WTIP: variants seen among roughly 807,000 people sequenced by gnomAD.
WTIP encodes Wilms tumor protein 1-interacting protein.
WTIP carries 23 observed loss-of-function variants against 41.7 expected under a neutral mutation model. That is an observed-to-expected ratio of 0.55 (90% CI 0.40 to 0.78). The LOEUF (loss-of-function observed/expected upper bound fraction) is 0.78. WTIP is among the 30% of genes least tolerant of loss of function. The pLI is 0.00. For missense variants in WTIP, 619 were observed against 610.5 expected (o/e 1.01, Z -0.15); for synonymous variants, 314 against 269.9 (o/e 1.16, Z -1.60).
At chr19:34,496,475 A>G (rs2910415) in intron 7 of WTIP, among the ~76,000 whole-genome samples, 14,029 of 151,986 alleles carry the variant, frequency 0.092, 932 homozygotes, top group African/African-American at 0.17. Flanking sequence ...AGCCTCACCT[A>G]TTTTATGGCG....
chr19:34,501,450 T>A lies in WTIP; in HGVS notation c.*1181T>A, dbSNP rs953559194. The A allele has an allele frequency of 2.0e-5, 3 of 152,096 alleles. No homozygotes were observed. The highest frequency in any genetic ancestry group is 7.3e-5 in the African/African-American group (3 of 41,362). 9.4% of individuals were successfully genotyped at this position (152,096 alleles called of 1,614,324 possible). On this transcript the variant is annotated 3_prime_UTR_variant, in exon 8 of 8. Coordinates refer to ENST00000590071, the MANE Select transcript of WTIP (RefSeq NM_001080436.2). ...GGGACACACTGACGGGAATGTGGGGTCTGGACATGGGAGGCCCTGGTCCTG... is the reference window on the plus strand; with the variant it reads ...GGGACACACTGACGGGAATGTGGGGACTGGACATGGGAGGCCCTGGTCCTG...
chr19:34,491,059 C>G lies in WTIP; in HGVS notation c.769+582C>G, dbSNP rs550062326. On this transcript the variant is annotated intron_variant, in intron 2 of 7. Coordinates refer to ENST00000590071, the MANE Select transcript of WTIP (RefSeq NM_001080436.2). The stretch of plus-strand genomic sequence containing the variant: ...GCCAGGCTGGTCTCAAACTCTTGAG[C>G]TCAAGTGATCCGCCTGCCTCGGCCT... Among the ~76,000 whole-genome samples, 74 of 151,736 alleles carry G rather than the reference C, an allele frequency of 4.9e-4. 1 individual carries two copies. Among genetic ancestry groups the G allele is most frequent in the South Asian group, 2.9e-3 (14 of 4,798 alleles).
rs1387312246 is a variant in WTIP, at chr19:34,508,013, A to C, written c.*7744A>C. The C allele has an allele frequency of 6.6e-6, 1 of 152,092 alleles. No homozygotes were observed. The highest frequency in any genetic ancestry group is 1.5e-5 in the Non-Finnish European group (1 of 68,054). The allele number at this position is 152,092 out of a possible 1,614,324, so 9.4% of individuals were successfully genotyped here. Reference sequence around the variant, plus strand: ...AGTCACAGCATCTTCCTCCTGCTCCATGTGGTTGAAATCTCAGGTCCTCTA... The same window carrying C: ...AGTCACAGCATCTTCCTCCTGCTCCCTGTGGTTGAAATCTCAGGTCCTCTA... On this transcript the variant is annotated 3_prime_UTR_variant, in exon 8 of 8. Transcript: ENST00000590071.
In WTIP at chr19:34,482,220, C is replaced by A; in HGVS notation, c.246C>A (p.Ser82Arg). The change falls in exon 1 of 8, where the codon AGC becomes AGA. Residue 82 changes from serine to arginine, a missense_variant. By Grantham distance (110) the Ser-to-Arg change is moderately radical. Coordinates refer to ENST00000590071, the MANE Select transcript of WTIP (RefSeq NM_001080436.2). ...GGCGCGCGGCGGTTCCGGAGCTCAG[C>A]GCGCAGCCTGCGGGCAGCCCACGGG... ...GPRRAAVPEL[S>R]AQPAGSPRAS... The A allele has an allele frequency of 8.7e-7, 1 of 1,155,828 alleles. No individual in the cohort carries two copies. Among genetic ancestry groups the A allele is most frequent in the Non-Finnish European group, 1.1e-6 (1 of 943,488 alleles). The allele number at this position is 1,155,828 out of a possible 1,614,324, so 71.6% of individuals were successfully genotyped here.
intron 7 of WTIP, among the ~76,000 whole-genome samples, chr19:34,499,664 G>A (rs1476689921): frequency 6.6e-6 from 1 of 151,446 alleles, no homozygotes; most frequent in Non-Finnish European, 1.5e-5. Context: ...AGTGCTCCAC[G>A]CCGGGCTTCC....
Position 34,494,603 on chromosome 19 carries a change from G to A in WTIP, c.1049G>A (p.Cys350Tyr). The change falls in exon 6 of 8, where the codon TGC becomes TAC. Residue 350 changes from cysteine to tyrosine, a missense_variant. This residue lies in a region of WTIP where 164 missense variants were observed against 219.1 expected (regional missense o/e 0.75). Transcript: ENST00000590071. Reference sequence around the variant, plus strand: ...TTCTCTAGGGTTTTTGCACCAAAATGCGCCTCCTGTGCCCGTCCTATCCTC... The same window carrying A: ...TTCTCTAGGGTTTTTGCACCAAAATACGCCTCCTGTGCCCGTCCTATCCTC... Reference protein sequence around the residue: ...RDYHTVFAPKCASCARPILPA... With the variant: ...RDYHTVFAPKYASCARPILPA... 6.2e-7 allele frequency: 1 copy of A among 1,613,642 alleles called. No homozygotes were observed. Among genetic ancestry groups the A allele is most frequent in the African/African-American group, 1.3e-5 (1 of 75,010 alleles).
At chr19:34,497,244 C>T (rs895427521) in intron 7 of WTIP, among the ~76,000 whole-genome samples, 3 of 152,178 alleles carry the variant, frequency 2.0e-5, no homozygotes, top group Non-Finnish European at 1.5e-5. Flanking sequence ...ACGGGGCTCC[C>T]CTGGGCAGCT....
intron 1 of WTIP, among the ~76,000 whole-genome samples, chr19:34,487,256 C>T (rs1447744941): frequency 6.6e-6 from 1 of 151,936 alleles, no homozygotes; most frequent in Non-Finnish European, 1.5e-5. Flanking sequence ...TGTCCACCAC[C>T]ACGCCCGGCT....
At chr19:34,490,990 A>AT (rs771220375) in intron 2 of WTIP, among the ~76,000 whole-genome samples, 226 of 140,146 alleles carry the variant, frequency 1.6e-3, no homozygotes, top group Middle Eastern at 3.8e-3. Context: ...CGCTCGGCTA[A>AT]TTTTTTTTTT....
Position 34,500,253 on chromosome 19 carries a change from A to G in WTIP, c.1277A>G (p.His426Arg), listed in dbSNP as rs1405320008. The G allele has an allele frequency of 3.1e-6, 5 of 1,608,052 alleles. No homozygotes were observed. The highest frequency in any genetic ancestry group is 1.3e-5 in the African/African-American group (1 of 74,914). ...GGGCCTCTTCCCTCACCCACTGTGCACGTCACTGAGCTCTGAGCAGGGGAA... is the reference window on the plus strand; with the variant it reads ...GGGCCTCTTCCCTCACCCACTGTGCGCGTCACTGAGCTCTGAGCAGGGGAA... Reference protein sequence around the residue: ...QPGPLPSPTVHVTEL With the variant: ...QPGPLPSPTVRVTEL Residue 426 changes from histidine (H) to arginine (R), a missense_variant, in exon 8 of 8, where the codon CAC (histidine) becomes CGC (arginine). Transcript: ENST00000590071.
At chr19:34,492,307 G>T (rs1385412240) in intron 2 of WTIP, among the ~76,000 whole-genome samples, 1 of 149,116 alleles carries the variant, frequency 6.7e-6, no homozygotes, top group African/African-American at 2.5e-5. Context: ...TAGAGACAGG[G>T]TCTTGCTATG....
chr19:34,482,417 G>A lies in WTIP; in HGVS notation c.443G>A (p.Gly148Asp). The change falls in exon 1 of 8, where the codon GGC (glycine) becomes GAC (aspartate). Residue 148 changes from glycine to aspartate, a missense_variant. Physicochemically the swap from Gly to Asp is moderately conservative, Grantham distance 94. Around this residue, in one of 3 missense-constraint regions of WTIP, gnomAD observed 363 missense variants for 309.0 expected, o/e 1.17. Transcript: ENST00000590071. ...GCCCGCTCCAGCGTTTCCAGCCTCG[G>A]CTCCCGGGGCTCGGCCGGCGCCTAC... ...GSARSSVSSL[G>D]SRGSAGAYAD... The A allele has an allele frequency of 3.0e-6, 4 of 1,353,768 alleles. No individual in the cohort carries two copies. The highest frequency in any genetic ancestry group is 3.8e-6 in the Non-Finnish European group (4 of 1,051,468). The allele number at this position is 1,353,768 out of a possible 1,614,324, so 83.9% of individuals were successfully genotyped here.
rs116281811 is a variant in WTIP at position 34,506,129 on chromosome 19, C to G, written c.*5860C>G. The G allele has an allele frequency of 3.9e-5, 6 of 152,154 alleles. No individual in the cohort carries two copies. Among genetic ancestry groups the G allele is most frequent in the African/African-American group, 1.4e-4 (6 of 41,414 alleles). 9.4% of individuals were successfully genotyped at this position (152,154 alleles called of 1,614,324 possible). On this transcript the variant is annotated 3_prime_UTR_variant, in exon 8 of 8. Transcript: ENST00000590071. The stretch of plus-strand genomic sequence containing the variant: ...TGTGCACTCCGCGTGTTCAGATGCT[C>G]ATGGTTTCTGATGAGAAGTTGGCTG...
At position 34,505,450 on chromosome 19, in the gene WTIP, T is replaced by G. The variant is rs1025179182; in HGVS notation, c.*5181T>G. On this transcript the variant is annotated 3_prime_UTR_variant, in exon 8 of 8. Transcript: ENST00000590071. The stretch of plus-strand genomic sequence containing the variant: ...GATTCCCCAGGGATGCCAGCCCCCC[T>G]GTGGGCCCTCAGGACTGGTAGCCCT... The G allele has an allele frequency of 2.0e-5, 3 of 152,268 alleles. No homozygotes were observed. The highest frequency in any genetic ancestry group is 7.2e-5 in the African/African-American group (3 of 41,430). The allele number at this position is 152,268 out of a possible 1,614,324, so 9.4% of individuals were successfully genotyped here.
chr19:34,481,865 A>C lies in WTIP; in HGVS notation c.-110A>C, dbSNP rs1186809487. The C allele has an allele frequency of 3.3e-5, 18 of 552,896 alleles. No individual in the cohort carries two copies. Among genetic ancestry groups the C allele is most frequent in the South Asian group, 7.6e-5 (1 of 13,082 alleles). The allele number at this position is 552,896 out of a possible 1,614,324, so 34.2% of individuals were successfully genotyped here. Reference sequence around the variant, plus strand: ...GCCGGCCCCGCCCCGCCCCGCGCCCAGGGGTCCCGGGGCGGGCTCCGGGCT... The same window carrying C: ...GCCGGCCCCGCCCCGCCCCGCGCCCCGGGGTCCCGGGGCGGGCTCCGGGCT... On this transcript the variant is annotated 5_prime_UTR_variant, in exon 1 of 8. Transcript: ENST00000590071.
rs1363566857 is a variant in WTIP at position 34,482,614 on chromosome 19, G to A, written c.640G>A (p.Glu214Lys). 2.4e-6 allele frequency: 3 copies of A among 1,229,874 alleles called. No individual in the cohort carries two copies. Among genetic ancestry groups the A allele is most frequent in the Non-Finnish European group, 3.0e-6 (3 of 986,914 alleles). 76.2% of individuals were successfully genotyped at this position (1,229,874 alleles called of 1,614,324 possible). Residue 214 changes from glutamate to lysine, a missense_variant, in exon 1 of 8, where the codon GAG (glutamate) becomes AAG (lysine). Transcript: ENST00000590071. ...CACCCGGGAGCTGGAGCGGGCGCTC[G>A]AGGCGCGCACGGCGCGGGACTACTT... The part of the protein sequence containing the change: ...ALTRELERAL[E>K]ARTARDYFGI...
chr19:34,483,975 G>A (rs1246197441), intron 1 of WTIP, among the ~76,000 whole-genome samples: 1 of 142,876 alleles, frequency 7.0e-6, no homozygotes, highest in Non-Finnish European at 1.5e-5. Context: ...TCGCCAGGCT[G>A]GAGTGCAGTG....
chr19:34,498,047 G>T (rs1053278086), intron 7 of WTIP, among the ~76,000 whole-genome samples: 4 of 152,150 alleles, frequency 2.6e-5, no homozygotes, highest in Non-Finnish European at 5.9e-5. Context: ...GCAGCGGTCG[G>T]TAGCAGGGCC....
chr19:34,502,938 G>C lies in WTIP; in HGVS notation c.*2669G>C, dbSNP rs2075895291. On this transcript the variant is annotated 3_prime_UTR_variant, in exon 8 of 8. Transcript: ENST00000590071. ...GCTTCCTCCCTCAAACCTGCTTTGA[G>C]CCGGGTTTCTCCTTGTTGCCAACCC... is the stretch of plus-strand genomic sequence containing the variant. 2.0e-5 allele frequency: 3 copies of C among 152,424 alleles called. No homozygotes were observed. The highest frequency in any genetic ancestry group is 4.8e-5 in the African/African-American group (2 of 41,448). 9.4% of individuals were successfully genotyped at this position (152,424 alleles called of 1,614,324 possible). A position where few individuals can be genotyped will look rare whatever the true frequency, so the allele number is the denominator to read the frequency against.
Sources: gnomAD v4.1 joint callset for allele counts (sites outside exome capture counted in the v4.1 genomes callset) on GRCh38, gnomAD v4.1.1 for gene constraint, gnomAD v4.1.1 regional missense constraint, MANE v1.5 for transcripts, NCBI Gene and HGNC (gene_info 2026-07-23, HGNC 2026-07-21) for gene names.